ADAMTSL1: variants seen among roughly 807,000 people sequenced by gnomAD.
ADAMTSL1 encodes the protein ADAMTS-like protein 1.
In ADAMTSL1, 126 loss-of-function variants were observed where a neutral mutation model predicts 201.8. The ratio of observed to expected loss-of-function variants is 0.62; its 90% CI spans 0.54 to 0.72. The LOEUF is 0.72. Among genes scored for constraint, ADAMTSL1 ranks in the 30% least tolerant of loss-of-function variants. The pLI, the probability that ADAMTSL1 is intolerant of heterozygous loss-of-function variation, is 0.00. For synonymous variants in ADAMTSL1, 1,121 were observed against 903.4 expected, an observed-to-expected ratio of 1.24 and a Z score of -4.32; for missense variants, 2,679 against 2,277.8, an observed-to-expected ratio of 1.18 and a Z score of -3.59.
chr9:18,595,008 C>G (rs1043807768), intron 4 of ADAMTSL1, among the ~76,000 whole-genome samples: 14 of 152,160 alleles, frequency 9.2e-5, no homozygotes, highest in Admixed American at 7.2e-4. Flanking sequence ...GAGTCATTCA[C>G]AGGTGAAGAT....
intron 26 of ADAMTSL1, among the ~76,000 whole-genome samples, chr9:18,898,866 G>C (rs1219927549): frequency 3.9e-5 from 6 of 152,130 alleles, no homozygotes; most frequent in Admixed American, 1.3e-4. Flanking sequence ...AAAAAGCTGA[G>C]AGCATTCCCC....
At chr9:18,854,055 T>C (rs1051487311) in intron 23 of ADAMTSL1, among the ~76,000 whole-genome samples, 3 of 152,318 alleles carry the variant, frequency 2.0e-5, no homozygotes, top group Admixed American at 2.0e-4. Context: ...TGCTATGTTT[T>C]AGAAAAGTTT....
At chr9:18,506,066 A>G (rs776296850) in intron 2 of ADAMTSL1, among the ~76,000 whole-genome samples, 5 of 152,336 alleles carry the variant, frequency 3.3e-5, no homozygotes, top group South Asian at 4.1e-4. Context: ...TACCAGATCA[A>G]TTCTGATATT....
intron 19 of ADAMTSL1, among the ~76,000 whole-genome samples, chr9:18,786,858 A>G (rs1010617428): frequency 2.6e-5 from 4 of 152,192 alleles, no homozygotes; most frequent in African/African-American, 9.7e-5. Flanking sequence ...TAGCCTCTAA[A>G]TGATTATATT....
intron 15 of ADAMTSL1, among the ~76,000 whole-genome samples, chr9:18,731,752 G>T (rs1038685038): frequency 2.6e-5 from 4 of 152,172 alleles, no homozygotes; most frequent in African/African-American, 9.7e-5. Context: ...GGGGTAGCAT[G>T]GGCTACTACT....
At chr9:18,762,503 C>CA (rs1820131597) in intron 16 of ADAMTSL1, among the ~76,000 whole-genome samples, 1 of 152,110 alleles carries the variant, frequency 6.6e-6, no homozygotes, top group African/African-American at 2.4e-5. Context: ...GAGTTACAAA[C>CA]AACCCAATTA....
At chr9:18,852,291 C>T (rs1415114039) in intron 23 of ADAMTSL1, among the ~76,000 whole-genome samples, 1 of 152,168 alleles carries the variant, frequency 6.6e-6, no homozygotes, top group Non-Finnish European at 1.5e-5. Flanking sequence ...GCATATACCT[C>T]CAGGGTTTTT....
intron 19 of ADAMTSL1, among the ~76,000 whole-genome samples, chr9:18,785,770 C>A (rs934482015): frequency 3.3e-5 from 5 of 152,210 alleles, no homozygotes; most frequent in Non-Finnish European, 7.3e-5. Flanking sequence ...AATATATGTT[C>A]AGTATTCCTA....
At chr9:18,176,703 G>C (rs1828176612) in intron 2 of ADAMTSL1, among the ~76,000 whole-genome samples, 1 of 152,090 alleles carries the variant, frequency 6.6e-6, no homozygotes, top group Non-Finnish European at 1.5e-5. Flanking sequence ...CCATAGTATA[G>C]GTACTAACAG....
chr9:18,628,579 T>C (rs1826545835), intron 5 of ADAMTSL1, among the ~76,000 whole-genome samples: 2 of 152,222 alleles, frequency 1.3e-5, no homozygotes, highest in African/African-American at 2.4e-5. Flanking sequence ...TCTTTCCATA[T>C]AAATTTTACT....
intron 5 of ADAMTSL1, among the ~76,000 whole-genome samples, chr9:18,635,632 G>C (rs1266601551): frequency 6.6e-6 from 1 of 152,100 alleles, no homozygotes; most frequent in Non-Finnish European, 1.5e-5. Flanking sequence ...TTCAGCCCAA[G>C]TGTTTTTGAT....
intron 1 of ADAMTSL1, among the ~76,000 whole-genome samples, chr9:18,481,041 GA>G (rs1451995055): frequency 6.6e-6 from 1 of 152,186 alleles, no homozygotes. Context: ...CTGAGAAGCT[GA>G]AACCAGGGTG....
chr9:18,296,567 T>C (rs913362630), intron 2 of ADAMTSL1, among the ~76,000 whole-genome samples: 2 of 152,202 alleles, frequency 1.3e-5, no homozygotes, highest in African/African-American at 2.4e-5. Flanking sequence ...AAAACCTTAA[T>C]GTTGCATTAT....
At chr9:18,166,741 T>C (rs1206674882) in intron 2 of ADAMTSL1, among the ~76,000 whole-genome samples, 6 of 151,952 alleles carry the variant, frequency 3.9e-5, no homozygotes, top group Admixed American at 3.9e-4. Context: ...ACCCTTTCTT[T>C]ACTAAAAATT....
chr9:18,278,464 T>C (rs1167785796), intron 2 of ADAMTSL1, among the ~76,000 whole-genome samples: 3 of 152,172 alleles, frequency 2.0e-5, no homozygotes, highest in East Asian at 1.9e-4. Context: ...TTCAGCACTT[T>C]GACTACATCA....
intron 7 of ADAMTSL1, among the ~76,000 whole-genome samples, chr9:18,648,317 C>A (rs971012455): frequency 2.0e-5 from 3 of 149,004 alleles, no homozygotes; most frequent in African/African-American, 7.4e-5. Context: ...ATACAGCACA[C>A]TGATGGGTCT....
intron 1 of ADAMTSL1, among the ~76,000 whole-genome samples, chr9:18,120,009 A>G (rs1319528010): frequency 6.6e-6 from 1 of 152,140 alleles, no homozygotes; most frequent in African/African-American, 2.4e-5. Context: ...ACTTACCCCA[A>G]ATTTGCCAGC....
chr9:18,865,430 C>T (rs940221108), intron 23 of ADAMTSL1, among the ~76,000 whole-genome samples: 1 of 152,126 alleles, frequency 6.6e-6, no homozygotes, highest in African/African-American at 2.4e-5. Context: ...TTTCTTAATC[C>T]AGTCTATCGT....
chr9:18,086,681 C>CTGATT (rs1024509503), intron 1 of ADAMTSL1, among the ~76,000 whole-genome samples: 4 of 152,110 alleles, frequency 2.6e-5, no homozygotes, highest in Admixed American at 2.6e-4. Flanking sequence ...CTTTGGCTGG[C>CTGATT]TGATTTATGT....
Sources: allele counts gnomAD v4.1 joint callset (sites outside exome capture counted in the v4.1 genomes callset), GRCh38; gene constraint gnomAD v4.1.1; transcripts MANE v1.5; gene names NCBI Gene and HGNC (gene_info 2026-07-23, HGNC 2026-07-21).